The following MRPS33 variants were observed in gnomAD, a reference collection of about 807,000 sequenced individuals.
MRPS33 encodes the protein mitochondrial ribosomal protein S33.
A neutral mutation model predicts 11.2 loss-of-function variants in MRPS33; 11 were observed. The ratio of observed to expected loss-of-function variants is 0.99; its 90% CI spans 0.62 to 1.63. The LOEUF is 1.63. Ranked by LOEUF, MRPS33 falls within the 40% of genes most tolerant of loss-of-function variation. The pLI, the probability that MRPS33 is intolerant of heterozygous loss-of-function variation, is 0.00. For missense variants in MRPS33, 109 were observed against 127.8 expected (o/e 0.85, Z 0.71); for synonymous variants, 46 against 44.0 (o/e 1.05, Z -0.18).
chr7:141,012,945 G>A (rs1820713153), intron 1 of MRPS33, among the ~76,000 whole-genome samples: 1 of 152,088 alleles, frequency 6.6e-6, no homozygotes, highest in African/African-American at 2.4e-5. Context: ...GAGTAACAGT[G>A]GCACTGAGTA....
At chr7:141,014,078 T>A (rs778566850) in intron 1 of MRPS33, among the ~76,000 whole-genome samples, 8 of 152,170 alleles carry the variant, frequency 5.3e-5, no homozygotes, top group Non-Finnish European at 5.9e-5. Flanking sequence ...AGCTGCAGAA[T>A]AAAAAAGCTG....
intron 1 of MRPS33, among the ~76,000 whole-genome samples, chr7:141,013,994 A>ATGTG (rs760851266): frequency 6.6e-6 from 1 of 152,132 alleles, no homozygotes; most frequent in Non-Finnish European, 1.5e-5. Context: ...ATGTGTATGT[A>ATGTG]TGTGTGTGTG....
chr7:141,008,666 T>C (rs1820595323), intron 2 of MRPS33, among the ~76,000 whole-genome samples: 1 of 152,334 alleles, frequency 6.6e-6, no homozygotes, highest in South Asian at 2.1e-4. Flanking sequence ...AATTTTAGTA[T>C]TGTTGCCCAA....
intron 1 of MRPS33, among the ~76,000 whole-genome samples, chr7:141,012,108 G>A (rs1820687436): frequency 7.6e-6 from 1 of 131,962 alleles, no homozygotes; most frequent in Non-Finnish European, 1.5e-5. Flanking sequence ...GGAGTTTGAG[G>A]TTACACTAAG....
In MRPS33 at chr7:141,009,436, CTTT is replaced by C. The variant is rs61410427; in HGVS notation, c.215+980_215+982del. ...CCTGAGCCATTGTGCCTGGCCTGAT[CTTT>C]TTTTTTTTTTCAGAGATGCACACAG... On this transcript the variant is annotated intron_variant, in intron 2 of 2. Transcript: ENST00000324787. Among the ~76,000 whole-genome samples the C allele has an allele frequency of 1.6e-3, 243 of 149,990 alleles. 1 individual carries two copies. The highest frequency in any genetic ancestry group is 5.4e-3 in the African/African-American group (222 of 40,882).
chr7:141,013,148 CA>C (rs1820720137), intron 1 of MRPS33, among the ~76,000 whole-genome samples: 1 of 151,600 alleles, frequency 6.6e-6, no homozygotes, highest in African/African-American at 2.4e-5. Context: ...ACCTCATTTA[CA>C]AAGACTGACA....
intron 2 of MRPS33, chr7:141,009,773 T>C (rs1230166176): frequency 6.6e-6 from 1 of 151,278 alleles, no homozygotes; most frequent in East Asian, 1.9e-4. Context: ...GCTTTCTTCC[T>C]CAGTACTTGG....
intron 2 of MRPS33, chr7:141,009,804 T>C (rs1450410158): frequency 7.9e-6 from 1 of 125,946 alleles, no homozygotes; most frequent in Non-Finnish European, 1.6e-5. Flanking sequence ...CTCTGCATTG[T>C]TTTTTTTTTT....
At chr7:141,012,778 A>C (rs1229112893) in intron 1 of MRPS33, among the ~76,000 whole-genome samples, 7 of 152,190 alleles carry the variant, frequency 4.6e-5, no homozygotes, top group Admixed American at 4.6e-4. Context: ...CTGAATTCCA[A>C]GTCCCTTTAT....
intron 2 of MRPS33, 193 bp downstream of exon 2, chr7:141,010,226 A>G: frequency 3.4e-6 from 2 of 585,574 alleles, no homozygotes; most frequent in Non-Finnish European, 3.0e-6. Flanking sequence ...AACAAGCATG[A>G]ATTTCCTTTT....
In MRPS33 at chr7:141,006,252, T is replaced by G; in HGVS notation, c.*178A>C. ...CCAAGATAATTTTGCACAGTTAGAA[T>G]GTGTTCAAGAAACCAGCCACAATGT... On this transcript the variant is annotated 3_prime_UTR_variant, in exon 3 of 3. Coordinates refer to ENST00000324787, the MANE Select transcript of MRPS33 (RefSeq NM_053035.3). 2 of 620,748 alleles carry G rather than the reference T, an allele frequency of 3.2e-6. No individual in the cohort carries two copies. Among genetic ancestry groups the G allele is most frequent in the South Asian group, 4.0e-5 (2 of 49,870 alleles). 38.5% of individuals were successfully genotyped at this position (620,748 alleles called of 1,614,324 possible).
At chr7:141,011,988 A>AAAAAAAAC (rs1163722947) in intron 1 of MRPS33, among the ~76,000 whole-genome samples, 3 of 64,432 alleles carry the variant, frequency 4.7e-5, no homozygotes, top group Non-Finnish European at 9.2e-5. Flanking sequence ...TTTTTACAGA[A>AAAAAAAAC]AAAAAAACAA....
chr7:141,007,424 T>C (rs775476033), intron 2 of MRPS33, among the ~76,000 whole-genome samples: 127 of 152,150 alleles, frequency 8.3e-4, no homozygotes, highest in Non-Finnish European at 1.3e-3. Context: ...AGTATACAAC[T>C]CTTTGGGATT....
At position 141,010,777 on chromosome 7, in the gene MRPS33, C is replaced by A. The variant is rs1367671503; in HGVS notation, c.-27-117G>T. 3 of 730,222 alleles carry A rather than the reference C, an allele frequency of 4.1e-6. No individual in the cohort carries two copies. The African/African-American group carries it at 5.3e-5, about 13-fold the overall frequency. The allele number at this position is 730,222 out of a possible 1,614,324, so 45.2% of individuals were successfully genotyped here. Reference sequence around the variant, plus strand: ...CACTCATGGATCAGTGCAGTGTTGGCAGGATATGCCTTGGAGTGGAGAAGT... The same window carrying A: ...CACTCATGGATCAGTGCAGTGTTGGAAGGATATGCCTTGGAGTGGAGAAGT... On this transcript the variant is annotated intron_variant, in intron 1 of 2. Transcript: ENST00000324787.
rs1260073853 is a variant in MRPS33 at position 141,014,911 on chromosome 7, C to G, written c.-28G>C. 1 of 152,756 alleles carries G rather than the reference C, an allele frequency of 6.5e-6. No homozygotes were observed. The highest frequency in any genetic ancestry group is 1.9e-4 in the East Asian group (1 of 5,216). 9.5% of individuals were successfully genotyped at this position (152,756 alleles called of 1,614,324 possible). On this transcript the variant is annotated splice_region_variant and 5_prime_UTR_variant, in exon 1 of 3. Coordinates refer to ENST00000324787, the MANE Select transcript of MRPS33 (RefSeq NM_053035.3). Reference sequence around the variant, plus strand: ...CCCCCAAAGTCACCGACAGCCTTACCTAGACCTGACCTTCCTCACCCACGC... The same window carrying G: ...CCCCCAAAGTCACCGACAGCCTTACGTAGACCTGACCTTCCTCACCCACGC...
chr7:141,010,551 G>C lies in MRPS33; in HGVS notation c.83C>G (p.Ser28Cys), dbSNP rs372959943. The change falls in exon 2 of 3, where the codon TCC becomes TGC. Residue 28 changes from serine to cysteine, a missense_variant. By Grantham distance (112) the Ser-to-Cys change is moderately radical. Coordinates refer to ENST00000324787, the MANE Select transcript of MRPS33 (RefSeq NM_053035.3). ...CAGTTTCACCACTTTCATAGACTTG[G>C]AATTAGTAGGCCTGGTGACTTCACC... The part of the protein sequence containing the change: ...LFGEVTRPTN[S>C]KSMKVVKLFS... 30 of 1,614,080 alleles carry C rather than the reference G, an allele frequency of 1.9e-5. No homozygotes were observed. The highest frequency in any genetic ancestry group is 2.7e-5 in the African/African-American group (2 of 74,930).
chr7:141,011,446 G>A (rs73737151), intron 1 of MRPS33, among the ~76,000 whole-genome samples: 2 of 152,034 alleles, frequency 1.3e-5, no homozygotes, highest in Non-Finnish European at 2.9e-5. Context: ...CACTGAAATG[G>A]GTATAAGAAT....
intron 1 of MRPS33, 42 bp from the exon 2 acceptor site, chr7:141,010,702 A>G: frequency 7.0e-7 from 1 of 1,425,308 alleles, no homozygotes; most frequent in Admixed American, 1.7e-5. Flanking sequence ...TAGGGTAAGA[A>G]ATTCCAAGAT....
Position 141,002,618 on chromosome 7 carries a change from A to G in MRPS33, c.*3812T>C. The G allele has an allele frequency of 4.0e-6, 1 of 252,030 alleles. No individual in the cohort carries two copies. The highest frequency in any genetic ancestry group is 5.0e-5 in the South Asian group (1 of 20,170). The allele number at this position is 252,030 out of a possible 1,614,324, so 15.6% of individuals were successfully genotyped here. A position where few individuals can be genotyped will look rare whatever the true frequency, so the allele number is the denominator to read the frequency against. On this transcript the variant is annotated 3_prime_UTR_variant, in exon 3 of 3. Coordinates refer to ENST00000324787, the MANE Select transcript of MRPS33 (RefSeq NM_053035.3). ...ACGGGGTGAAGCAGGCAGAATTTCA[A>G]ATTTTGATTTATTCTTTCTTGGAAA...
Sources: allele counts gnomAD v4.1 joint callset (sites outside exome capture counted in the v4.1 genomes callset), GRCh38; gene constraint gnomAD v4.1.1; transcripts MANE v1.5; gene names NCBI Gene and HGNC (gene_info 2026-07-23, HGNC 2026-07-21).